The following BCL2L14 variants were observed in gnomAD, a reference collection of about 807,000 sequenced individuals.
BCL2L14 encodes the protein apoptosis facilitator Bcl-2-like protein 14.
In BCL2L14, 27 loss-of-function variants were observed where a neutral mutation model predicts 35.3. The ratio of observed to expected loss-of-function variants is 0.76; its 90% CI spans 0.56 to 1.05. BCL2L14 has a LOEUF of 1.05. Ranked by LOEUF, BCL2L14 falls within the 50% of genes least tolerant of loss-of-function variation. The pLI is 0.00. For missense variants in BCL2L14, 377 were observed against 382.6 expected, an observed-to-expected ratio of 0.99 and a Z score of 0.12; for synonymous variants, 139 against 145.9, an observed-to-expected ratio of 0.95 and a Z score of 0.34.
At chr12:12,070,317 C>A (rs539658836), upstream of BCL2L14, among the ~76,000 whole-genome samples, 3 of 152,342 alleles carry the variant, frequency 2.0e-5, no homozygotes, top group East Asian at 5.8e-4. Flanking sequence ...TAGCAAGATA[C>A]TTCACCTCTC....
Position 12,052,090 on chromosome 12 carries a change from G to A in BCL2L14, c.-272+243G>A, listed in dbSNP as rs182113112. 9.2e-5 allele frequency among the ~76,000 whole-genome samples: 14 copies of A among 151,938 alleles called. No individual in the cohort carries two copies. The East Asian group carries it at 1.7e-3, about 19-fold the overall frequency. On this transcript the variant is annotated intron_variant, in intron 2 of 3. Transcript: ENST00000461264. The stretch of plus-strand genomic sequence containing the variant: ...TTTTTTTCTTCTTCCTTTGTTTTTC[G>A]TTTTATTTTTATTTTTCATTAACAA...
chr12:12,090,704 A>T, intron 3 of BCL2L14, 75 bp from the exon 4 acceptor site: 2 of 1,191,586 alleles, frequency 1.7e-6, no homozygotes, highest in Non-Finnish European at 2.5e-6. Flanking sequence ...AGCCACAAGC[A>T]TTCATTGTCC....
intron 2 of BCL2L14, among the ~76,000 whole-genome samples, chr12:12,056,608 C>T (rs991309572): frequency 2.0e-5 from 3 of 152,104 alleles, no homozygotes; most frequent in East Asian, 1.9e-4. Context: ...CCAAGGTGGG[C>T]GGATCAACTG....
intron 2 of BCL2L14, among the ~76,000 whole-genome samples, chr12:12,081,750 C>T (rs1356666214): frequency 6.6e-6 from 1 of 151,822 alleles, no homozygotes; most frequent in Non-Finnish European, 1.5e-5. Flanking sequence ...GTAGAGACAG[C>T]GTTTCACCAT....
intron 2 of BCL2L14, among the ~76,000 whole-genome samples, chr12:12,080,759 C>T (rs1421659837): frequency 1.3e-5 from 2 of 152,128 alleles, no homozygotes; most frequent in African/African-American, 4.8e-5. Flanking sequence ...CTCTCCACCT[C>T]GTATGGTTGA....
intron 2 of BCL2L14, among the ~76,000 whole-genome samples, chr12:12,058,232 G>A (rs1948462762): frequency 6.7e-6 from 1 of 149,392 alleles, no homozygotes. Context: ...GATTACAGGC[G>A]TGAGTCATTG....
chr12:12,079,856 C>T, intron 2 of BCL2L14, 118 bp downstream of exon 2: 1 of 1,027,608 alleles, frequency 9.7e-7, no homozygotes, highest in African/African-American at 1.6e-5. Flanking sequence ...CGTTGTGCCT[C>T]AGCTTTCCAA....
At chr12:12,094,544 A>G in intron 4 of BCL2L14, 120 bp from the exon 5 acceptor site, 1 of 1,614,240 alleles carries the variant, frequency 6.2e-7, no homozygotes, top group Non-Finnish European at 8.5e-7. Context: ...CTTGGTTGAC[A>G]CCAGCATCCA....
chr12:12,076,830 A>G (rs1948789761), intron 1 of BCL2L14, among the ~76,000 whole-genome samples: 2 of 152,196 alleles, frequency 1.3e-5, no homozygotes, highest in Non-Finnish European at 2.9e-5. Flanking sequence ...GCAGGCCCTC[A>G]GGGGAGATAT....
At chr12:12,054,125 T>C (rs1251036296) in intron 2 of BCL2L14, among the ~76,000 whole-genome samples, 1 of 152,220 alleles carries the variant, frequency 6.6e-6, no homozygotes, top group African/African-American at 2.4e-5. Context: ...AATCATTTAG[T>C]CTTTACACAA....
chr12:12,081,902 T>C (rs566259603), intron 2 of BCL2L14, among the ~76,000 whole-genome samples: 1 of 152,288 alleles, frequency 6.6e-6, no homozygotes, highest in Admixed American at 6.5e-5. Context: ...CTGAGTTTCA[T>C]TGGCCTGGGT....
At chr12:12,077,187 C>T (rs1175088334) in intron 1 of BCL2L14, among the ~76,000 whole-genome samples, 3 of 152,128 alleles carry the variant, frequency 2.0e-5, no homozygotes, top group East Asian at 1.9e-4. Context: ...GCTTACATGC[C>T]GAAAGACCGT....
chr12:12,054,689 A>C (rs1183155483), intron 2 of BCL2L14: 3 of 151,468 alleles, frequency 2.0e-5, no homozygotes, highest in Non-Finnish European at 4.4e-5. Flanking sequence ...GTTGGCTCAC[A>C]CCTGTAATCC....
chr12:12,074,882 A>T (rs1324550167), intron 1 of BCL2L14, among the ~76,000 whole-genome samples: 1 of 152,122 alleles, frequency 6.6e-6, no homozygotes, highest in Non-Finnish European at 1.5e-5. Flanking sequence ...GTCTCAAGTG[A>T]TCCTCCCACC....
chr12:12,068,145 A>G (rs980489308), upstream of BCL2L14: 1 of 398,496 alleles, frequency 2.5e-6, no homozygotes, highest in Non-Finnish European at 4.4e-6. Flanking sequence ...GGTTATCACC[A>G]TGTTGCCCAG....
upstream of BCL2L14, chr12:12,068,241 G>T: frequency 7.5e-6 from 3 of 398,322 alleles, no homozygotes; most frequent in South Asian, 4.0e-4. Context: ...CACTGTGCAT[G>T]ACCAAGACTC....
At chr12:12,075,010 CAA>C (rs1321894096) in intron 1 of BCL2L14, among the ~76,000 whole-genome samples, 4 of 152,056 alleles carry the variant, frequency 2.6e-5, no homozygotes, top group African/African-American at 9.7e-5. Context: ...TCTATCATCT[CAA>C]AGATATCTAC....
At chr12:12,087,046 AG>A (rs1471906820) in intron 2 of BCL2L14, among the ~76,000 whole-genome samples, 166 bp from the exon 3 acceptor site, 1 of 152,204 alleles carries the variant, frequency 6.6e-6, no homozygotes, top group Non-Finnish European at 1.5e-5. Flanking sequence ...GGCCTCTGCC[AG>A]GCAACTTTCA....
chr12:12,050,816 A>G (rs907374794), intron 1 of BCL2L14, among the ~76,000 whole-genome samples: 1 of 149,114 alleles, frequency 6.7e-6, no homozygotes, highest in African/African-American at 2.5e-5. Context: ...AAAAAAAAGA[A>G]AAGAAAAGAA....
Sources: allele counts gnomAD v4.1 joint callset (sites outside exome capture counted in the v4.1 genomes callset), GRCh38; gene constraint gnomAD v4.1.1; transcripts MANE v1.5; gene names NCBI Gene and HGNC (gene_info 2026-07-23, HGNC 2026-07-21).